Variants in EPS8 observed in about 807,000 individuals in gnomAD.
EPS8 encodes the protein EGFR pathway substrate 8, signaling adaptor.
A neutral mutation model predicts 103.8 loss-of-function variants in EPS8; 42 were observed. The ratio of observed to expected loss-of-function variants is 0.40; its 90% CI spans 0.32 to 0.52. The LOEUF is 0.52. EPS8 is among the 20% of genes least tolerant of loss of function. The probability of loss-of-function intolerance (pLI) is 0.40; values close to 1 mark genes in which losing one functional copy is unlikely to be tolerated. For missense variants in EPS8, 969 were observed against 1,005.1 expected (o/e 0.96, Z 0.49); for synonymous variants, 344 against 344.6 (o/e 1.00, Z 0.02).
chr12:15,641,620 T>G, intron 16 of EPS8, 102 bp downstream of exon 16: 1 of 520,296 alleles, frequency 1.9e-6, no homozygotes, highest in Non-Finnish European at 3.3e-6. Context: ...TACTACGTCT[T>G]TAGTAATATA....
At chr12:15,755,283 T>A (rs1390933349) in intron 1 of EPS8, among the ~76,000 whole-genome samples, 2 of 152,230 alleles carry the variant, frequency 1.3e-5, no homozygotes, top group Non-Finnish European at 2.9e-5. Flanking sequence ...CCTTTGCTTT[T>A]TTCTTGACAT....
In EPS8 at chr12:15,734,613, G is replaced by T. The variant is rs902391621; in HGVS notation, c.-21-51641C>A. Among the ~76,000 whole-genome samples, 1 of 152,086 alleles carries T rather than the reference G, an allele frequency of 6.6e-6. No individual in the cohort carries two copies. The highest frequency in any genetic ancestry group is 2.4e-5 in the African/African-American group (1 of 41,416). On this transcript the variant is annotated intron_variant, in intron 1 of 20. Transcript: ENST00000281172. This position sits in a 1 kb window ranked among gnomAD's most constrained non-coding sequence, Gnocchi z 4.1. ...GGAGGCTGAGGCAGGAGAATGGCGT[G>T]AACCTGGGAGGCGGACCTTGCAGTG...
chr12:15,725,593 C>T lies in EPS8; in HGVS notation c.-21-42621G>A, dbSNP rs956901207. On this transcript the variant is annotated intron_variant, in intron 1 of 20. Coordinates refer to ENST00000281172, the MANE Select transcript of EPS8 (RefSeq NM_004447.6). The surrounding 1 kb of genome is among the most constrained non-coding windows in gnomAD (Gnocchi z 4.5). ...TTACCTTATGAAAAATTCTAAAATA[C>T]GGTGACACAATGGGTCTTCATCATA... 1.3e-5 allele frequency among the ~76,000 whole-genome samples: 2 copies of T among 151,994 alleles called. No individual in the cohort carries two copies. The highest frequency in any genetic ancestry group is 6.6e-5 in the Admixed American group (1 of 15,266).
intron 3 of EPS8, among the ~76,000 whole-genome samples, chr12:15,679,740 G>A (rs1051938797): frequency 6.6e-6 from 1 of 152,036 alleles, no homozygotes; most frequent in African/African-American, 2.4e-5. Context: ...CTAGTCTATT[G>A]CACCAAAATG....
chr12:15,703,137 G>T (rs190328028), intron 1 of EPS8, among the ~76,000 whole-genome samples: 26 of 152,260 alleles, frequency 1.7e-4, no homozygotes, highest in African/African-American at 6.3e-4. Context: ...GATGGAGCGA[G>T]ACTCCGTCTC....
In EPS8 at chr12:15,700,554, A is replaced by G. The variant is rs955679520; in HGVS notation, c.-21-17582T>C. On this transcript the variant is annotated intron_variant, in intron 1 of 20. Transcript: ENST00000281172. This position sits in a 1 kb window ranked among gnomAD's most constrained non-coding sequence, Gnocchi z 5.1. ...GTATAGAATTAAATTGAAAATTTAA[A>G]AAGAAATTTATTCCACAGAATTTCT... 6.6e-6 allele frequency among the ~76,000 whole-genome samples: 1 copy of G among 152,166 alleles called. No homozygotes were observed. The highest frequency in any genetic ancestry group is 6.5e-5 in the Admixed American group (1 of 15,282).
At chr12:15,773,486 T>C (rs1238886193) in intron 1 of EPS8, among the ~76,000 whole-genome samples, 1 of 151,676 alleles carries the variant, frequency 6.6e-6, no homozygotes, top group African/African-American at 2.4e-5. Flanking sequence ...GGGAGATAGA[T>C]ACATGAAATA....
In EPS8 at chr12:15,745,810, C is replaced by T. The variant is rs548171739; in HGVS notation, c.-22+43351G>A. Among the ~76,000 whole-genome samples, 4 of 152,288 alleles carry T rather than the reference C, an allele frequency of 2.6e-5. No individual in the cohort carries two copies. The East Asian group carries it at 7.7e-4, about 29-fold the overall frequency. On this transcript the variant is annotated intron_variant, in intron 1 of 20. Coordinates refer to ENST00000281172, the MANE Select transcript of EPS8 (RefSeq NM_004447.6). The surrounding 1 kb of genome is among the most constrained non-coding windows in gnomAD (Gnocchi z 4.6). ...AGCTATTATATGTGGTTTCCCAGTACATGTAAGTTTAAAACAACAAAGGAT... is the reference window on the plus strand; with the variant it reads ...AGCTATTATATGTGGTTTCCCAGTATATGTAAGTTTAAAACAACAAAGGAT...
intron 15 of EPS8, among the ~76,000 whole-genome samples, chr12:15,642,096 T>A (rs1219611064): frequency 6.6e-6 from 1 of 152,080 alleles, no homozygotes; most frequent in Non-Finnish European, 1.5e-5. Flanking sequence ...TCCAAGTCTA[T>A]GAATTCTTTG....
rs552318463 is a variant in EPS8 at position 15,641,824 on chromosome 12, A to G, written c.1575T>C (p.Tyr525=). 5 of 1,515,248 alleles carry G rather than the reference A, an allele frequency of 3.3e-6. No individual in the cohort carries two copies. The African/African-American group carries it at 4.2e-5, about 13-fold the overall frequency. 93.9% of individuals were successfully genotyped at this position (1,515,248 alleles called of 1,614,324 possible). The change falls in exon 16 of 21, where the codon TAT becomes TAC. Residue 525 remains tyrosine, a synonymous_variant. Transcript: ENST00000281172. ...PTSNRHIDRN[Y]EPLKTQPKKY... is the part of the protein sequence containing the mutation. ...TCTTGGGTTGTGTTTTGAGTGGTTC[A>G]TAATTTCTATAAAAAGAAAGAAAAA...
At chr12:15,753,494 T>C (rs1249394774) in intron 1 of EPS8, among the ~76,000 whole-genome samples, 1 of 152,174 alleles carries the variant, frequency 6.6e-6, no homozygotes, top group Admixed American at 6.5e-5. Flanking sequence ...GCATAACTAA[T>C]ACTACAGTAC....
At chr12:15,763,591 TC>T (rs1381228959) in intron 1 of EPS8, among the ~76,000 whole-genome samples, 1 of 152,148 alleles carries the variant, frequency 6.6e-6, no homozygotes, top group Admixed American at 6.6e-5. Context: ...ACTCAGAGAT[TC>T]TCAACTTTAA....
At chr12:15,744,640 G>A (rs1946857686) in intron 1 of EPS8, among the ~76,000 whole-genome samples, 1 of 152,112 alleles carries the variant, frequency 6.6e-6, no homozygotes, top group African/African-American at 2.4e-5. Context: ...TAAGAAAATT[G>A]AAACATGTAG....
rs1946753020 is a variant in EPS8, at chr12:15,734,841, AC to A, written c.-21-51870del. 6.6e-6 allele frequency among the ~76,000 whole-genome samples: 1 copy of A among 152,250 alleles called. No individual in the cohort carries two copies. Among genetic ancestry groups the A allele is most frequent in the African/African-American group, 2.4e-5 (1 of 41,460 alleles). On this transcript the variant is annotated intron_variant, in intron 1 of 20. Coordinates refer to ENST00000281172, the MANE Select transcript of EPS8 (RefSeq NM_004447.6). This position sits in a 1 kb window ranked among gnomAD's most constrained non-coding sequence, Gnocchi z 4.1. ...TACCTTACATTGTTCATAATAAAAT[AC>A]TTTCATATCGATGATCTCAATTGAT...
intron 1 of EPS8, among the ~76,000 whole-genome samples, chr12:15,692,545 A>C (rs561673300): frequency 6.6e-6 from 1 of 152,098 alleles, no homozygotes; most frequent in Non-Finnish European, 1.5e-5. Flanking sequence ...AATTCAGCAT[A>C]TTGGAAACAC....
In EPS8 at chr12:15,747,204, T is replaced by C. The variant is rs1462276640; in HGVS notation, c.-22+41957A>G. On this transcript the variant is annotated intron_variant, in intron 1 of 20. Coordinates refer to ENST00000281172, the MANE Select transcript of EPS8 (RefSeq NM_004447.6). This position sits in a 1 kb window ranked among gnomAD's most constrained non-coding sequence, Gnocchi z 4.4. ...TTATTTGCTGTACACATTTGGATAT[T>C]AACTTTAAAACTTAACCTGTATAAA... 4.6e-5 allele frequency among the ~76,000 whole-genome samples: 7 copies of C among 152,224 alleles called. No homozygotes were observed. The highest frequency in any genetic ancestry group is 3.3e-4 in the Admixed American group (5 of 15,286).
rs750651749 is a variant in EPS8 at position 15,650,808 on chromosome 12, T to TA, written c.1434+14dup. 13,927 of 1,275,084 alleles carry TA rather than the reference T, an allele frequency of 0.011. No individual in the cohort carries two copies. The highest frequency in any genetic ancestry group is 0.013 in the South Asian group (858 of 68,260). The allele number at this position is 1,275,084 out of a possible 1,614,324, so 79.0% of individuals were successfully genotyped here. Reference sequence around the variant, plus strand: ...TTACACTGTCTACAGAGGGCAATGTTAAAAAAAAAACTACCTCTGTGGATA... The same window carrying TA: ...TTACACTGTCTACAGAGGGCAATGTTAAAAAAAAAAACTACCTCTGTGGATA... On this transcript the variant is annotated intron_variant, in intron 14 of 20. Transcript: ENST00000281172.
At chr12:15,643,003 T>C (rs907444721) in intron 15 of EPS8, among the ~76,000 whole-genome samples, 1 of 152,204 alleles carries the variant, frequency 6.6e-6, no homozygotes, top group Non-Finnish European at 1.5e-5. Flanking sequence ...GGTGAAATTA[T>C]GGTGAAGTAA....
intron 1 of EPS8, among the ~76,000 whole-genome samples, chr12:15,753,786 A>G (rs1455871000): frequency 6.6e-6 from 1 of 152,234 alleles, no homozygotes; most frequent in Non-Finnish European, 1.5e-5. Flanking sequence ...ATGGTGTTAA[A>G]TAAATTCCAC....
Sources: allele counts gnomAD v4.1 joint callset (sites outside exome capture counted in the v4.1 genomes callset), GRCh38; gene constraint gnomAD v4.1.1; non-coding constraint Gnocchi (gnomAD v3.1); transcripts MANE v1.5; gene names NCBI Gene and HGNC (gene_info 2026-07-23, HGNC 2026-07-21).